Variants in L3MBTL4 observed in about 807,000 individuals in gnomAD.
L3MBTL4 encodes the protein lethal(3)malignant brain tumor-like protein 4.
In L3MBTL4, 70 loss-of-function variants were observed where a neutral mutation model predicts 84.5. That is an observed-to-expected ratio of 0.83 (90% CI 0.68 to 1.01). L3MBTL4 has a LOEUF of 1.01. Among genes scored for constraint, L3MBTL4 ranks in the 50% least tolerant of loss-of-function variants. The probability of loss-of-function intolerance (pLI) is 0.00; values close to 1 mark genes in which losing one functional copy is unlikely to be tolerated. For synonymous variants in L3MBTL4, 274 were observed against 259.8 expected (o/e 1.05, Z -0.52); for missense variants, 715 against 754.8 (o/e 0.95, Z 0.62).
chr18:6,184,153 T>C (rs1451159278), intron 12 of L3MBTL4, among the ~76,000 whole-genome samples: 1 of 152,224 alleles, frequency 6.6e-6, no homozygotes, highest in Non-Finnish European at 1.5e-5. Flanking sequence ...TTACATATTT[T>C]CCCTATCCAT....
chr18:6,219,744 G>A (rs1707126174), intron 10 of L3MBTL4, among the ~76,000 whole-genome samples: 1 of 152,000 alleles, frequency 6.6e-6, no homozygotes, highest in Non-Finnish European at 1.5e-5. Flanking sequence ...GAGTGAAGCA[G>A]AACAGCCTGA....
At chr18:6,197,025 A>G (rs1055190680) in intron 12 of L3MBTL4, among the ~76,000 whole-genome samples, 1 of 152,254 alleles carries the variant, frequency 6.6e-6, no homozygotes, top group Non-Finnish European at 1.5e-5. Flanking sequence ...CAGCTTACAG[A>G]TAAAACTAGA....
At chr18:6,390,368 C>A (rs1479804675) in intron 1 of L3MBTL4, among the ~76,000 whole-genome samples, 1 of 152,006 alleles carries the variant, frequency 6.6e-6, no homozygotes, top group South Asian at 2.1e-4. Context: ...AATTGCCAAT[C>A]AAAAAGTCTG....
chr18:6,183,947 C>T (rs2044602619), intron 12 of L3MBTL4, among the ~76,000 whole-genome samples: 2 of 150,352 alleles, frequency 1.3e-5, no homozygotes, highest in African/African-American at 5.0e-5. Context: ...AAAATTTCCC[C>T]TAATAGAAAT....
At chr18:6,312,294 C>T (rs2050874225) in intron 1 of L3MBTL4, among the ~76,000 whole-genome samples, 1 of 152,134 alleles carries the variant, frequency 6.6e-6, no homozygotes. Context: ...TTTTTTAAAA[C>T]TTTTAATAGC....
intron 16 of L3MBTL4, among the ~76,000 whole-genome samples, chr18:6,079,603 A>G (rs939798877): frequency 1.3e-5 from 2 of 152,240 alleles, no homozygotes; most frequent in African/African-American, 4.8e-5. Context: ...TACTACATTT[A>G]TGATATGAAC....
chr18:6,372,443 T>C (rs866274779), intron 1 of L3MBTL4, among the ~76,000 whole-genome samples: 4 of 152,220 alleles, frequency 2.6e-5, no homozygotes, highest in African/African-American at 7.2e-5. Flanking sequence ...TTTGTAACAG[T>C]GTCTTATTAG....
chr18:6,403,884 G>T (rs1010722312), intron 1 of L3MBTL4, among the ~76,000 whole-genome samples: 2 of 151,188 alleles, frequency 1.3e-5, no homozygotes, highest in Admixed American at 1.3e-4. Context: ...AAGAAAATGT[G>T]GCATATATAT....
intron 5 of L3MBTL4, among the ~76,000 whole-genome samples, chr18:6,247,072 A>T (rs963130501): frequency 2.0e-5 from 3 of 152,244 alleles, no homozygotes; most frequent in Non-Finnish European, 4.4e-5. Context: ...GTGAGCATAT[A>T]CATAGATAGA....
intron 16 of L3MBTL4, chr18:6,032,292 A>C: frequency 1.0e-6 from 1 of 986,692 alleles, no homozygotes; most frequent in South Asian, 4.6e-5. Context: ...TTAAAAAAAA[A>C]AAAAAAAGAA....
intron 5 of L3MBTL4, among the ~76,000 whole-genome samples, chr18:6,246,508 A>T (rs2146189803): frequency 6.6e-6 from 1 of 152,342 alleles, no homozygotes; most frequent in South Asian, 2.1e-4. Flanking sequence ...TAGAACCTAG[A>T]TCTATTAGAT....
intron 16 of L3MBTL4, among the ~76,000 whole-genome samples, chr18:5,990,030 C>T (rs1567955280): frequency 6.6e-6 from 1 of 152,132 alleles, no homozygotes; most frequent in South Asian, 2.1e-4. Flanking sequence ...TCCGGGATCC[C>T]TAAGAGTCCA....
chr18:6,066,201 C>G (rs1490787591), intron 16 of L3MBTL4, among the ~76,000 whole-genome samples: 1 of 152,050 alleles, frequency 6.6e-6, no homozygotes, highest in African/African-American at 2.4e-5. Flanking sequence ...CAGTTTTATT[C>G]CACAGTGGTT....
chr18:5,996,193 A>G (rs2053955343), intron 16 of L3MBTL4, among the ~76,000 whole-genome samples: 1 of 152,244 alleles, frequency 6.6e-6, no homozygotes, highest in Non-Finnish European at 1.5e-5. Flanking sequence ...ATTCCTACAC[A>G]TGATGTTAAC....
intron 8 of L3MBTL4, among the ~76,000 whole-genome samples, chr18:6,240,384 T>C (rs910770781): frequency 4.0e-5 from 6 of 150,308 alleles, no homozygotes; most frequent in African/African-American, 1.5e-4. Context: ...AAAATTATAA[T>C]TTAAAATGTG....
chr18:6,099,585 AATATATAT>A (rs36091567), intron 14 of L3MBTL4, among the ~76,000 whole-genome samples: 34,092 of 64,842 alleles, frequency 0.53, 10,724 homozygotes, highest in African/African-American at 0.71. Context: ...AGATAATGTA[AATATATAT>A]ATATATATAT....
At chr18:6,241,559 G>A in intron 7 of L3MBTL4, 110 bp from the exon 8 acceptor site, 3 of 561,584 alleles carry the variant, frequency 5.3e-6, no homozygotes, top group Non-Finnish European at 9.4e-6. Flanking sequence ...ACTTTTAATG[G>A]AAAAAAAACG....
intron 1 of L3MBTL4, among the ~76,000 whole-genome samples, chr18:6,338,138 A>G (rs2052433785): frequency 6.6e-6 from 1 of 152,072 alleles, no homozygotes; most frequent in Non-Finnish European, 1.5e-5. Context: ...TCCACTGACG[A>G]CAGAACCATA....
chr18:6,411,888 G>A (rs961630611), intron 1 of L3MBTL4, among the ~76,000 whole-genome samples: 1 of 152,032 alleles, frequency 6.6e-6, no homozygotes, highest in Non-Finnish European at 1.5e-5. Context: ...TTTTCACAAC[G>A]CAAAATCATT....
Sources: allele counts gnomAD v4.1 joint callset (sites outside exome capture counted in the v4.1 genomes callset), GRCh38; gene constraint gnomAD v4.1.1; transcripts MANE v1.5; gene names NCBI Gene and HGNC (gene_info 2026-07-23, HGNC 2026-07-21).